MTMR1: variants seen among roughly 807,000 people sequenced by gnomAD.
MTMR1 encodes phosphatidylinositol-3-phosphate phosphatase MTMR1.
A neutral mutation model predicts 51.6 loss-of-function variants in MTMR1; 17 were observed. The ratio of observed to expected loss-of-function variants is 0.33; its 90% CI spans 0.23 to 0.49. MTMR1 has a LOEUF of 0.49. Ranked by LOEUF, MTMR1 falls within the 20% of genes least tolerant of loss-of-function variation. MTMR1 has a pLI of 0.99. For missense variants in MTMR1, 386 were observed against 526.9 expected (o/e 0.73, Z 2.62); for synonymous variants, 201 against 205.6 (o/e 0.98, Z 0.19).
At chrX:150,759,658 A>G (rs988604587) in intron 15 of MTMR1, among the ~76,000 whole-genome samples, 19 of 109,657 alleles carry the variant, frequency 1.7e-4, no homozygotes, top group African/African-American at 6.2e-4. Context: ...GACCTTTCCT[A>G]AAACCTACAA....
chrX:150,759,882 G>A (rs2043038758), intron 15 of MTMR1, among the ~76,000 whole-genome samples: 1 of 109,489 alleles, frequency 9.1e-6, no homozygotes, highest in South Asian at 3.7e-4. Flanking sequence ...GAGAAGCAGT[G>A]ACTTGGTTGA....
At chrX:150,702,394 C>T (rs1459670619) in intron 2 of MTMR1, among the ~76,000 whole-genome samples, 1 of 111,681 alleles carries the variant, frequency 9.0e-6, no homozygotes, top group Non-Finnish European at 1.9e-5. Context: ...ATCTGAAAAC[C>T]TAGGCTTCCT....
chrX:150,714,229 T>G (rs978905744), intron 3 of MTMR1, among the ~76,000 whole-genome samples: 1 of 111,735 alleles, frequency 8.9e-6, no homozygotes, highest in African/African-American at 3.3e-5. Flanking sequence ...TGCTTTTCAT[T>G]TTTCTACCCC....
intron 3 of MTMR1, among the ~76,000 whole-genome samples, chrX:150,715,060 A>G (rs782135368): frequency 4.5e-5 from 5 of 111,782 alleles, no homozygotes; most frequent in Non-Finnish European, 7.5e-5. Flanking sequence ...ACTTTCCCCA[A>G]TGCTTATGTG....
chrX:150,762,439 C>T, intron 15 of MTMR1, 126 bp from the exon 16 acceptor site: 2 of 893,623 alleles, frequency 2.2e-6, no homozygotes, highest in African/African-American at 3.9e-5. Context: ...GTCAACGCCT[C>T]AGGAGACTTT....
At chrX:150,758,270 C>T (rs2042964354) in intron 15 of MTMR1, among the ~76,000 whole-genome samples, 1 of 111,449 alleles carries the variant, frequency 9.0e-6, no homozygotes, top group South Asian at 3.8e-4. Flanking sequence ...CTCCCCTCCA[C>T]ACCCAGTCCT....
At chrX:150,761,211 T>C (rs1557418017) in intron 15 of MTMR1, among the ~76,000 whole-genome samples, 1 of 111,548 alleles carries the variant, frequency 9.0e-6, no homozygotes, top group African/African-American at 3.3e-5. Flanking sequence ...GAGGAGCTGG[T>C]GCCACCTCCC....
At chrX:150,757,587 A>C (rs1754492095) in intron 15 of MTMR1, among the ~76,000 whole-genome samples, 1 of 111,788 alleles carries the variant, frequency 8.9e-6, no homozygotes, top group Admixed American at 9.4e-5. Flanking sequence ...CCTGCATCCT[A>C]GGGTGCCCTT....
chrX:150,732,872 G>A (rs1557417045), intron 10 of MTMR1, 142 bp downstream of exon 10: 4 of 573,608 alleles, frequency 7.0e-6, no homozygotes, highest in Non-Finnish European at 1.1e-5. Flanking sequence ...CCTCCCTGGT[G>A]TATGCTCCTT....
rs193107948 is a variant in MTMR1 at position 150,702,574 on chromosome X, C to T, written c.252+3274C>T. 6.9e-3 allele frequency among the ~76,000 whole-genome samples: 777 copies of T among 111,847 alleles called. 16 individuals carry two copies. Among genetic ancestry groups the T allele is most frequent in the Admixed American group, 0.067 (706 of 10,537 alleles). On this transcript the variant is annotated intron_variant, in intron 2 of 15. Transcript: ENST00000445323. ...CTCATCTAAAGTACAGTAAGAATAT[C>T]GCTGGTATCACGTGACATGAGTTTA...
intron 2 of MTMR1, among the ~76,000 whole-genome samples, chrX:150,710,351 GTTGTT>G (rs781853519): frequency 9.0e-5 from 10 of 111,223 alleles, no homozygotes; most frequent in African/African-American, 1.3e-4. Flanking sequence ...TTCTGTTTTT[GTTGTT>G]TTGTTTTGTT....
At chrX:150,730,293 G>GT (rs1378329693) in intron 7 of MTMR1, 83 bp downstream of exon 7, 21,249 of 526,264 alleles carry the variant, frequency 0.04, 1 homozygote, top group Non-Finnish European at 0.044. Context: ...TTTTCCAGAG[G>GT]TTTTTTTTTT....
intron 2 of MTMR1, among the ~76,000 whole-genome samples, chrX:150,712,012 A>G (rs1260591622): frequency 9.0e-6 from 1 of 110,952 alleles, no homozygotes; most frequent in Non-Finnish European, 1.9e-5. Context: ...AATGGAAACT[A>G]ATGAACTTTT....
Position 150,718,607 on chromosome X carries a change from T to TGCCAGGG in MTMR1, c.277-18_277-17insGCCAGGG. On this transcript the variant is annotated splice_polypyrimidine_tract_variant and intron_variant, in intron 3 of 15. Transcript: ENST00000445323. ...TCCTTTTTTTTTTTTTTTTTTTTTT[T>TGCCAGGG]TTTTTTTTTTTTGCCAGGCTCTAAG... The TGCCAGGG allele has an allele frequency of 1.1e-6, 1 of 916,019 alleles. No homozygotes were observed. The highest frequency in any genetic ancestry group is 1.4e-6 in the Non-Finnish European group (1 of 719,632). 75.5% of individuals were successfully genotyped at this position (916,019 alleles called of 1,213,427 possible).
intron 4 of MTMR1, among the ~76,000 whole-genome samples, chrX:150,723,190 T>A (rs1557416637): frequency 1.8e-5 from 2 of 111,739 alleles, no homozygotes; most frequent in South Asian, 7.6e-4. Flanking sequence ...ACTCATCCTT[T>A]TTTTATGGCT....
chrX:150,760,905 G>T (rs188569936), intron 15 of MTMR1, among the ~76,000 whole-genome samples: 1 of 102,183 alleles, frequency 9.8e-6, no homozygotes, highest in Non-Finnish European at 2.0e-5. Flanking sequence ...CCAGCCTGGG[G>T]GAGAGAGTGA....
At chrX:150,720,218 C>T (rs1557416547) in intron 4 of MTMR1, among the ~76,000 whole-genome samples, 1 of 111,649 alleles carries the variant, frequency 9.0e-6, no homozygotes, top group Admixed American at 9.5e-5. Flanking sequence ...AGTTTTGACA[C>T]GGTGTACACC....
At chrX:150,747,706 TAGGTGGAGC>T (rs1164077111) in intron 13 of MTMR1, among the ~76,000 whole-genome samples, 1 of 110,862 alleles carries the variant, frequency 9.0e-6, no homozygotes, top group Non-Finnish European at 1.9e-5. Flanking sequence ...CCAACATGAG[TAGGTGGAGC>T]CTTTGTTTTC....
chrX:150,693,828 C>T (rs1219332325), intron 1 of MTMR1, 152 bp downstream of exon 1: 4 of 312,277 alleles, frequency 1.3e-5, no homozygotes, highest in African/African-American at 2.9e-5. Context: ...CTCCTCCCCC[C>T]CACCCCCGGA....
Sources: gnomAD v4.1 joint callset for allele counts (sites outside exome capture counted in the v4.1 genomes callset) on GRCh38, gnomAD v4.1.1 for gene constraint, MANE v1.5 for transcripts, NCBI Gene and HGNC (gene_info 2026-07-23, HGNC 2026-07-21) for gene names.